GALNT13: variants seen among roughly 807,000 people sequenced by gnomAD.
The protein encoded by GALNT13 is UDP-GalNAc:polypeptide N-acetylgalactosaminyltransferase 13.
In GALNT13, 28 loss-of-function variants were observed where a neutral mutation model predicts 64.2. The ratio of observed to expected loss-of-function variants is 0.44; its 90% CI spans 0.32 to 0.60. The LOEUF is 0.60. Among genes scored for constraint, GALNT13 ranks in the 20% least tolerant of loss-of-function variants. The probability of loss-of-function intolerance (pLI) is 0.05; values close to 1 mark genes in which losing one functional copy is unlikely to be tolerated. For missense variants in GALNT13, 577 were observed against 669.8 expected (o/e 0.86, Z 1.53); for synonymous variants, 214 against 224.6 (o/e 0.95, Z 0.42).
chr2:153,574,135 T>G, the GALNT13 span, among the ~76,000 whole-genome samples: 1 of 151,884 alleles, frequency 6.6e-6, no homozygotes, highest in Non-Finnish European at 1.5e-5. Flanking sequence ...TAAAGTTTTT[T>G]TTTTTTTTTT....
At chr2:153,440,094 C>T in the GALNT13 span, among the ~76,000 whole-genome samples, 1 of 152,124 alleles carries the variant, frequency 6.6e-6, no homozygotes, top group Non-Finnish European at 1.5e-5. Context: ...AATGCTATCC[C>T]TCCCCTAGCC....
chr2:154,116,198 C>CA (rs1054571946), intron 3 of GALNT13, among the ~76,000 whole-genome samples: 6 of 152,050 alleles, frequency 3.9e-5, no homozygotes, highest in East Asian at 1.9e-4. Context: ...TTTCTTTTGG[C>CA]AAAAAAGGTG....
At chr2:153,509,391 A>C in the GALNT13 span, among the ~76,000 whole-genome samples, 12,857 of 152,314 alleles carry the variant, frequency 0.084, 564 homozygotes, top group South Asian at 0.16. Context: ...CCCCTGCTGC[A>C]GCTGGAGTCC....
intron 9 of GALNT13, among the ~76,000 whole-genome samples, chr2:154,343,253 A>G (rs552114483): frequency 1.8e-4 from 28 of 152,180 alleles, no homozygotes; most frequent in Middle Eastern, 3.4e-3. Flanking sequence ...TAGTTTTAAA[A>G]AGAAAATGTT....
At chr2:153,869,277 GT>G (rs899941679), upstream of GALNT13, among the ~76,000 whole-genome samples, 1 of 151,954 alleles carries the variant, frequency 6.6e-6, no homozygotes. Context: ...AGATATTATA[GT>G]TTTTATTAAT....
the GALNT13 span, among the ~76,000 whole-genome samples, chr2:153,797,214 T>A: frequency 6.6e-6 from 1 of 152,192 alleles, no homozygotes; most frequent in Non-Finnish European, 1.5e-5. Context: ...AGAGGCTTTT[T>A]GAAATTCAGT....
At chr2:154,110,378 CAGAGAGAGAGAGAG>C (rs1293098530) in intron 3 of GALNT13, among the ~76,000 whole-genome samples, 1 of 50,042 alleles carries the variant, frequency 2.0e-5, no homozygotes, top group African/African-American at 8.1e-5. Flanking sequence ...GAGAGAGAGA[CAGAGAGAGAGAGAG>C]AGAGAGAGAC....
chr2:153,098,553 C>T, the GALNT13 span, among the ~76,000 whole-genome samples: 1 of 152,036 alleles, frequency 6.6e-6, no homozygotes, highest in Non-Finnish European at 1.5e-5. Flanking sequence ...ATGTATTTTT[C>T]ATGACTTAAA....
intron 8 of GALNT13, among the ~76,000 whole-genome samples, chr2:154,284,212 A>G (rs1382695640): frequency 6.6e-6 from 1 of 152,188 alleles, no homozygotes; most frequent in Non-Finnish European, 1.5e-5. Context: ...ATAGATCACT[A>G]AAACTTATTC....
chr2:153,141,278 G>A, the GALNT13 span, among the ~76,000 whole-genome samples: 28,120 of 151,586 alleles, frequency 0.19, 3,309 homozygotes, highest in South Asian at 0.3. Context: ...TGACATCTGG[G>A]TTCCACAAGC....
the GALNT13 span, among the ~76,000 whole-genome samples, chr2:153,860,924 C>A: frequency 3.9e-5 from 6 of 152,198 alleles, no homozygotes; most frequent in South Asian, 1.2e-3. Flanking sequence ...CTCATAGTAC[C>A]AATGTTTATT....
At chr2:153,279,599 T>C in the GALNT13 span, among the ~76,000 whole-genome samples, 3 of 152,268 alleles carry the variant, frequency 2.0e-5, no homozygotes, top group Admixed American at 6.5e-5. Context: ...AAAGATTTTT[T>C]TCTTGTCTAT....
At chr2:153,777,598 G>A in the GALNT13 span, among the ~76,000 whole-genome samples, 16 of 152,122 alleles carry the variant, frequency 1.1e-4, no homozygotes, top group African/African-American at 3.6e-4. Flanking sequence ...CATTTTATTG[G>A]CCAATGCAGT....
the GALNT13 span, among the ~76,000 whole-genome samples, chr2:153,814,553 A>G: frequency 6.6e-6 from 1 of 152,210 alleles, no homozygotes; most frequent in South Asian, 2.1e-4. Context: ...GGAAACAGAA[A>G]TAGACTCCAC....
At chr2:153,887,582 A>G (rs1269269864) in intron 1 of GALNT13, among the ~76,000 whole-genome samples, 1 of 151,848 alleles carries the variant, frequency 6.6e-6, no homozygotes, top group Non-Finnish European at 1.5e-5. Context: ...CATGATAAAT[A>G]TTATGATATT....
chr2:153,889,338 G>A (rs969735685), intron 1 of GALNT13, among the ~76,000 whole-genome samples: 2 of 151,460 alleles, frequency 1.3e-5, no homozygotes, highest in African/African-American at 2.4e-5. Flanking sequence ...CAAACCTTAC[G>A]TTCAGTATAA....
the GALNT13 span, among the ~76,000 whole-genome samples, chr2:153,677,851 C>T: frequency 6.6e-6 from 1 of 152,004 alleles, no homozygotes; most frequent in Admixed American, 6.6e-5. Flanking sequence ...GAAACTGGAC[C>T]CGTTCCTTTT....
At chr2:153,318,241 C>A in the GALNT13 span, among the ~76,000 whole-genome samples, 2 of 151,512 alleles carry the variant, frequency 1.3e-5, no homozygotes, top group Non-Finnish European at 2.9e-5. Context: ...GGAAATTCAG[C>A]TCCTCTCCAC....
chr2:153,538,310 C>CTT, the GALNT13 span, among the ~76,000 whole-genome samples: 5 of 64,550 alleles, frequency 7.7e-5, no homozygotes, highest in African/African-American at 2.3e-4. Context: ...AATTTCTTTT[C>CTT]TTTTTTTTTT....
Sources: gnomAD v4.1 joint callset for allele counts (sites outside exome capture counted in the v4.1 genomes callset) on GRCh38, gnomAD v4.1.1 for gene constraint, MANE v1.5 for transcripts, NCBI Gene and HGNC (gene_info 2026-07-23, HGNC 2026-07-21) for gene names.